CHRM3: variants seen among roughly 807,000 people sequenced by gnomAD.
The protein encoded by CHRM3 is cholinergic receptor muscarinic 3.
A neutral mutation model predicts 41.8 loss-of-function variants in CHRM3; 11 were observed. The ratio of observed to expected loss-of-function variants is 0.26; its 90% CI spans 0.17 to 0.44. The LOEUF (loss-of-function observed/expected upper bound fraction) is 0.44. CHRM3 is among the 20% of genes least tolerant of loss of function. The pLI is 1.00. For synonymous variants in CHRM3, 297 were observed against 301.4 expected (o/e 0.99, Z 0.15); for missense variants, 571 against 745.4 (o/e 0.77, Z 2.72).
intron 3 of CHRM3, among the ~76,000 whole-genome samples, chr1:239,630,716 A>G (rs951794871): frequency 6.6e-6 from 1 of 152,168 alleles, no homozygotes; most frequent in Non-Finnish European, 1.5e-5. Flanking sequence ...ATGTGCTGCT[A>G]TGTAAGAGAG....
chr1:239,526,249 C>G (rs1017432441), intron 2 of CHRM3, among the ~76,000 whole-genome samples: 6 of 152,160 alleles, frequency 3.9e-5, no homozygotes, highest in African/African-American at 1.4e-4. Flanking sequence ...GTCTCCTGAT[C>G]TAAACTACCC....
intron 4 of CHRM3, among the ~76,000 whole-genome samples, chr1:239,661,623 C>T (rs1038631664): frequency 6.6e-6 from 1 of 152,062 alleles, no homozygotes; most frequent in African/African-American, 2.4e-5. Context: ...ACTGTGGGGA[C>T]AGTAAAATGA....
Position 239,588,956 on chromosome 1 carries a change from C to T in CHRM3, c.-313+43207C>T, listed in dbSNP as rs565451112. On this transcript the variant is annotated intron_variant, in intron 3 of 6. Transcript: ENST00000676153. ...ATGAAGCATCTTTTTTTTTTTTAGA[C>T]GGAGTCTCGCTCTGTCCCCCAAGCT... Among the ~76,000 whole-genome samples the T allele has an allele frequency of 5.0e-4, 75 of 150,918 alleles. 1 individual carries two copies. The South Asian group carries it at 0.015, about 30-fold the overall frequency.
At chr1:239,834,338 A>G (rs1242530764) in intron 6 of CHRM3, among the ~76,000 whole-genome samples, 17 of 112,466 alleles carry the variant, frequency 1.5e-4, no homozygotes, top group African/African-American at 5.2e-4. Flanking sequence ...TTTGAGACGG[A>G]GTCTCACCCT....
chr1:239,765,202 G>T (rs1009968421), intron 5 of CHRM3, among the ~76,000 whole-genome samples: 1 of 152,138 alleles, frequency 6.6e-6, no homozygotes, highest in South Asian at 2.1e-4. Context: ...TTGCAGTAAG[G>T]GTTGATCTTG....
At chr1:239,537,198 C>T (rs1296815516) in intron 2 of CHRM3, among the ~76,000 whole-genome samples, 1 of 152,138 alleles carries the variant, frequency 6.6e-6, no homozygotes, top group Non-Finnish European at 1.5e-5. Context: ...TTAAATGGTA[C>T]ATCGTCCTGT....
At chr1:239,887,459 TAGCCACCCCCACCTC>T (rs1250094713) in intron 6 of CHRM3, among the ~76,000 whole-genome samples, 3 of 152,128 alleles carry the variant, frequency 2.0e-5, no homozygotes, top group Non-Finnish European at 4.4e-5. Flanking sequence ...CAGCCTGACC[TAGCCACCCCCACCTC>T]AGCCTCCCAA....
intron 6 of CHRM3, among the ~76,000 whole-genome samples, chr1:239,896,670 C>T (rs1056908844): frequency 1.3e-5 from 2 of 152,138 alleles, no homozygotes; most frequent in African/African-American, 4.8e-5. Context: ...TTCTCAGCTT[C>T]GGCACTATCA....
intron 5 of CHRM3, among the ~76,000 whole-genome samples, chr1:239,727,971 A>C (rs1160608740): frequency 6.6e-6 from 1 of 152,022 alleles, no homozygotes; most frequent in African/African-American, 2.4e-5. Flanking sequence ...GAAAATAAAT[A>C]CTTTTCTTAA....
chr1:239,870,938 A>G (rs1387534117), intron 6 of CHRM3, among the ~76,000 whole-genome samples: 2 of 152,156 alleles, frequency 1.3e-5, no homozygotes, highest in African/African-American at 2.4e-5. Context: ...ACGATAAACT[A>G]CAGAGGCGAT....
At chr1:239,588,495 C>G (rs1663673472) in intron 3 of CHRM3, among the ~76,000 whole-genome samples, 1 of 152,148 alleles carries the variant, frequency 6.6e-6, no homozygotes, top group African/African-American at 2.4e-5. Flanking sequence ...GTTCAGTTAT[C>G]CTTTTCATTT....
chr1:239,402,227 T>C (rs1660039108), intron 1 of CHRM3, among the ~76,000 whole-genome samples: 2 of 152,202 alleles, frequency 1.3e-5, no homozygotes, highest in South Asian at 4.1e-4. Flanking sequence ...TTCATCACAG[T>C]GTTCCAAGGA....
intron 1 of CHRM3, among the ~76,000 whole-genome samples, chr1:239,442,575 G>C (rs964057482): frequency 6.6e-6 from 1 of 152,088 alleles, no homozygotes; most frequent in African/African-American, 2.4e-5. Flanking sequence ...AATTTCAAGC[G>C]TAAGTGGGGA....
rs540850309 is a variant in CHRM3, at chr1:239,592,078, C to T, written c.-312-40146C>T. Among the ~76,000 whole-genome samples the T allele has an allele frequency of 5.9e-5, 9 of 152,200 alleles. No homozygotes were observed. In the East Asian group the frequency reaches 9.7e-4, roughly 16 times the overall value. On this transcript the variant is annotated intron_variant, in intron 3 of 6. Coordinates refer to ENST00000676153, the MANE Select transcript of CHRM3 (RefSeq NM_001375978.1). ...TTCCAGTCTTTTATTTTCTCTCTGGCGAGGTAGATTGCTTTCTGTAAGAGG... is the reference window on the plus strand; with the variant it reads ...TTCCAGTCTTTTATTTTCTCTCTGGTGAGGTAGATTGCTTTCTGTAAGAGG...
intron 5 of CHRM3, among the ~76,000 whole-genome samples, chr1:239,805,655 T>C (rs1670577476): frequency 6.6e-6 from 1 of 151,888 alleles, no homozygotes; most frequent in African/African-American, 2.4e-5. Flanking sequence ...TGTGTGTGTG[T>C]ATACACATCT....
At chr1:239,736,315 G>C (rs928673080) in intron 5 of CHRM3, among the ~76,000 whole-genome samples, 3 of 151,964 alleles carry the variant, frequency 2.0e-5, no homozygotes, top group African/African-American at 7.2e-5. Context: ...ACTTAAAGCA[G>C]CCTCTTTGAG....
At chr1:239,836,371 TCATTTTC>T (rs1673314390) in intron 6 of CHRM3, among the ~76,000 whole-genome samples, 2 of 152,050 alleles carry the variant, frequency 1.3e-5, no homozygotes, top group African/African-American at 4.8e-5. Context: ...CCATATCAAA[TCATTTTC>T]TGTTTTTGTT....
intron 5 of CHRM3, among the ~76,000 whole-genome samples, chr1:239,716,648 T>A (rs1199995307): frequency 6.6e-6 from 1 of 151,806 alleles, no homozygotes; most frequent in Non-Finnish European, 1.5e-5. Context: ...ATATTTTTAA[T>A]TTGGTAATAA....
intron 5 of CHRM3, among the ~76,000 whole-genome samples, chr1:239,756,971 G>A (rs532209796): frequency 2.8e-4 from 42 of 152,200 alleles, no homozygotes; most frequent in African/African-American, 9.4e-4. Flanking sequence ...CAAGTGACTC[G>A]TGATCACTGA....
Sources: allele counts gnomAD v4.1 joint callset (sites outside exome capture counted in the v4.1 genomes callset), GRCh38; gene constraint gnomAD v4.1.1; transcripts MANE v1.5; gene names NCBI Gene and HGNC (gene_info 2026-07-23, HGNC 2026-07-21).